The following COL15A1 variants were observed in gnomAD, a reference collection of about 807,000 sequenced individuals.
COL15A1 encodes the protein collagen alpha-1(XV) chain.
COL15A1 carries 111 observed loss-of-function variants against 165.9 expected under a neutral mutation model. The ratio of observed to expected loss-of-function variants is 0.67; its 90% CI spans 0.57 to 0.78. The LOEUF (loss-of-function observed/expected upper bound fraction) is 0.78. Ranked by LOEUF, COL15A1 falls within the 30% of genes least tolerant of loss-of-function variation. The pLI is 0.00. For missense variants in COL15A1, 1,745 were observed against 1,789.7 expected (o/e 0.98, Z 0.45); for synonymous variants, 659 against 674.8 (o/e 0.98, Z 0.36).
At chr9:98,972,128 G>T (rs1210922593) in intron 2 of COL15A1, among the ~76,000 whole-genome samples, 1 of 152,142 alleles carries the variant, frequency 6.6e-6, no homozygotes, top group East Asian at 1.9e-4. Flanking sequence ...CTGTGAGCCA[G>T]GTCCTAGTGC....
chr9:98,944,045 C>T lies in COL15A1; in HGVS notation c.-17C>T. ...TCGACTAGCCGCGCGCCTTCCGGGG[C>T]TCCGCAGACCCGCGAGATGGCACCA... On this transcript the variant is annotated 5_prime_UTR_variant, in exon 1 of 42. Coordinates refer to ENST00000375001, the MANE Select transcript of COL15A1 (RefSeq NM_001855.5). 1 of 1,613,902 alleles carries T rather than the reference C, an allele frequency of 6.2e-7. No homozygotes were observed. The highest frequency in any genetic ancestry group is 2.2e-5 in the East Asian group (1 of 44,880).
chr9:99,059,545 G>A (rs1042959936), intron 35 of COL15A1, among the ~76,000 whole-genome samples: 1 of 152,204 alleles, frequency 6.6e-6, no homozygotes, highest in Non-Finnish European at 1.5e-5. Context: ...GGTGAAATAA[G>A]TTATATGAGT....
intron 15 of COL15A1, 47 bp downstream of exon 15, chr9:99,025,046 CT>C: frequency 1.3e-6 from 2 of 1,588,644 alleles, no homozygotes; most frequent in Non-Finnish European, 1.7e-6. Context: ...GTGGGGCTTC[CT>C]TTAGCAGGGG....
At chr9:99,000,315 C>CATACATATACAT (rs58933894) in intron 6 of COL15A1, among the ~76,000 whole-genome samples, 229 of 151,796 alleles carry the variant, frequency 1.5e-3, no homozygotes, top group African/African-American at 5.4e-3. Context: ...TATATAAGCA[C>CATACATATACAT]ATACATATAC....
chr9:99,069,815 G>C lies in COL15A1; in HGVS notation c.4096G>C (p.Ala1366Pro). 6.2e-7 allele frequency: 1 copy of C among 1,614,238 alleles called. No individual in the cohort carries two copies. Among genetic ancestry groups the C allele is most frequent in the Non-Finnish European group, 8.5e-7 (1 of 1,180,044 alleles). Residue 1366 changes from alanine to proline, a missense_variant, in exon 42 of 42, where the codon GCA becomes CCA. Physicochemically the swap from Ala to Pro is conservative, Grantham distance 27 (BLOSUM62 -1). Transcript: ENST00000375001. ...CACGGGGAAGATTCTGGACCAGAAAGCATACAGCTGTGCTAATCGGCTAAT... is the reference window on the plus strand; with the variant it reads ...CACGGGGAAGATTCTGGACCAGAAACCATACAGCTGTGCTAATCGGCTAAT... ...LSTGKILDQK[A>P]YSCANRLIVL...
chr9:99,005,743 GTCC>G (rs1355133578), intron 9 of COL15A1, among the ~76,000 whole-genome samples: 1 of 152,174 alleles, frequency 6.6e-6, no homozygotes, highest in Non-Finnish European at 1.5e-5. Context: ...CGCCGGCTCT[GTCC>G]TCCTCCAATG....
At chr9:99,053,214 G>A (rs1839619837) in intron 31 of COL15A1, among the ~76,000 whole-genome samples, 1 of 152,236 alleles carries the variant, frequency 6.6e-6, no homozygotes, top group African/African-American at 2.4e-5. Flanking sequence ...AATAGAGGAA[G>A]GTCTTTTTCC....
intron 30 of COL15A1, among the ~76,000 whole-genome samples, chr9:99,051,491 G>A (rs1839586835): frequency 6.6e-6 from 1 of 152,112 alleles, no homozygotes. Flanking sequence ...CATCTCATGA[G>A]CCCCTTCTAG....
At chr9:99,045,379 C>A (rs2119086421) in intron 26 of COL15A1, among the ~76,000 whole-genome samples, 1 of 152,336 alleles carries the variant, frequency 6.6e-6, no homozygotes, top group East Asian at 1.9e-4. Context: ...TGCAAGCCCT[C>A]TTCTCTCTCT....
At chr9:98,950,587 C>CCTTCCTTCCTTT (rs1837669308) in intron 2 of COL15A1, among the ~76,000 whole-genome samples, 2 of 81,426 alleles carry the variant, frequency 2.5e-5, no homozygotes, top group Non-Finnish European at 6.1e-5. Flanking sequence ...TTCCTTCCTT[C>CCTTCCTTCCTTT]CTTCCTCCCT....
In COL15A1 at chr9:98,985,804, T is replaced by C. The variant is rs753231557; in HGVS notation, c.340T>C (p.Phe114Leu). ...CGTGCTCTTCGCCATCACTGACGCC[T>C]TCCAGAAGGTCATCTACCTGGGCCT... ...GGVLFAITDA[F>L]QKVIYLGLRL... Residue 114 changes from phenylalanine (F) to leucine (L), a missense_variant, in exon 3 of 42, where the codon TTC (phenylalanine) becomes CTC (leucine). Coordinates refer to ENST00000375001, the MANE Select transcript of COL15A1 (RefSeq NM_001855.5). 1.9e-6 allele frequency: 3 copies of C among 1,614,008 alleles called. No individual in the cohort carries two copies. The highest frequency in any genetic ancestry group is 2.5e-6 in the Non-Finnish European group (3 of 1,180,048).
chr9:99,054,103 C>T (rs961060664), intron 31 of COL15A1, among the ~76,000 whole-genome samples: 2 of 152,208 alleles, frequency 1.3e-5, no homozygotes, highest in African/African-American at 2.4e-5. Context: ...CAACTTTGTA[C>T]GTAGAAAACT....
At chr9:99,059,756 A>G (rs553450370) in intron 35 of COL15A1, 133 bp from the exon 36 acceptor site, 128 of 901,576 alleles carry the variant, frequency 1.4e-4, no homozygotes, top group Non-Finnish European at 2.1e-4. Flanking sequence ...CACCCAAGAT[A>G]CAGGTGGAAG....
intron 6 of COL15A1, among the ~76,000 whole-genome samples, chr9:98,998,996 C>G (rs112187387): frequency 2.6e-5 from 4 of 152,244 alleles, no homozygotes; most frequent in Non-Finnish European, 5.9e-5. Context: ...TCCTTCTTCC[C>G]AGGGGTCAGT....
intron 2 of COL15A1, among the ~76,000 whole-genome samples, chr9:98,946,794 A>G (rs997606045): frequency 2.0e-5 from 3 of 152,266 alleles, no homozygotes; most frequent in African/African-American, 7.2e-5. Context: ...TTTACAGATG[A>G]GGAAACTGAG....
At chr9:99,050,474 C>T (rs756056516) in intron 30 of COL15A1, among the ~76,000 whole-genome samples, 1 of 152,200 alleles carries the variant, frequency 6.6e-6, no homozygotes, top group African/African-American at 2.4e-5. Flanking sequence ...GGTGCAGACA[C>T]TGGGATGCTG....
chr9:99,004,946 G>A lies in COL15A1; in HGVS notation c.1249G>A (p.Glu417Lys), dbSNP rs148479358. The change falls in exon 9 of 42, where the codon GAG (glutamate) becomes AAG (lysine). Residue 417 changes from glutamate to lysine, a missense_variant. By Grantham distance (56) the Glu-to-Lys change is moderately conservative (BLOSUM62 1). Transcript: ENST00000375001. ...RLAATAAGEA[E>K]ALASMPGEVE... ...AGCAGCAACAGCAGCAGGGGAGGCC[G>A]AGGCACTCGCCAGCATGCCTGGGGA... is the stretch of plus-strand genomic sequence containing the variant. The A allele has an allele frequency of 1.1e-4, 176 of 1,614,104 alleles. No individual in the cohort carries two copies. The African/African-American group carries it at 1.7e-3, about 15-fold the overall frequency.
intron 2 of COL15A1, among the ~76,000 whole-genome samples, chr9:98,968,176 C>A (rs117435926): frequency 6.6e-6 from 1 of 152,352 alleles, no homozygotes; most frequent in East Asian, 1.9e-4. Context: ...ACACCCTCCT[C>A]ACTGTTACTG....
At chr9:99,008,606 A>G (rs1437465662) in intron 9 of COL15A1, among the ~76,000 whole-genome samples, 1 of 152,160 alleles carries the variant, frequency 6.6e-6, no homozygotes. Flanking sequence ...TTATATGAGT[A>G]TATTTTACTC....
Sources: gnomAD v4.1 joint callset for allele counts (sites outside exome capture counted in the v4.1 genomes callset) on GRCh38, gnomAD v4.1.1 for gene constraint, MANE v1.5 for transcripts, NCBI Gene and HGNC (gene_info 2026-07-23, HGNC 2026-07-21) for gene names.